Variants in MYO16 observed in about 807,000 individuals in gnomAD.
MYO16 encodes the protein unconventional myosin-XVI.
Under a neutral mutation model 205.3 loss-of-function variants are expected in MYO16, and 94 were observed. That is an observed-to-expected ratio of 0.46 (90% CI 0.39 to 0.54). MYO16 has a LOEUF of 0.54. Ranked by LOEUF, MYO16 falls within the 20% of genes least tolerant of loss-of-function variation. MYO16 has a pLI of 0.00. For synonymous variants in MYO16, 988 were observed against 954.0 expected (o/e 1.04, Z -0.66); for missense variants, 2,315 against 2,387.5 (o/e 0.97, Z 0.63).
intron 27 of MYO16, among the ~76,000 whole-genome samples, chr13:109,079,535 G>T (rs1888218464): frequency 6.6e-6 from 1 of 152,136 alleles, no homozygotes; most frequent in Admixed American, 6.6e-5. Context: ...AATACCATGT[G>T]TTACCGCTTA....
chr13:108,886,056 G>C (rs1007367996), intron 13 of MYO16, among the ~76,000 whole-genome samples: 27 of 151,874 alleles, frequency 1.8e-4, no homozygotes, highest in Non-Finnish European at 3.2e-4. Flanking sequence ...GGCGCGATCT[G>C]GGCTCACTGC....
chr13:108,665,655 T>C (rs966101605), intron 1 of MYO16, among the ~76,000 whole-genome samples: 9 of 152,198 alleles, frequency 5.9e-5, no homozygotes, highest in African/African-American at 2.2e-4. Context: ...CTTAACTACA[T>C]ATGCATGTCT....
chr13:108,505,856 G>A, the MYO16 span, among the ~76,000 whole-genome samples: 2 of 152,038 alleles, frequency 1.3e-5, no homozygotes, highest in African/African-American at 4.8e-5. Context: ...ATAAGGTAAA[G>A]ATCAAATGTC....
the MYO16 span, among the ~76,000 whole-genome samples, chr13:108,588,435 C>T: frequency 6.6e-6 from 1 of 152,150 alleles, no homozygotes; most frequent in East Asian, 1.9e-4. Flanking sequence ...GTTTCCTCTG[C>T]AGCATCTTTG....
rs183914396 is a variant in MYO16, at chr13:108,927,604, G to A, written c.1925+17454G>A. Among the ~76,000 whole-genome samples the A allele has an allele frequency of 2.6e-4, 39 of 152,326 alleles. 1 individual carries two copies. The highest frequency in any genetic ancestry group is 2.3e-3 in the Admixed American group (35 of 15,306). The stretch of plus-strand genomic sequence containing the variant: ...ATGGAAGTATATTTATATTTTACAT[G>A]ATTTTTGAAATTTCATGAAATTTTC... On this transcript the variant is annotated intron_variant, in intron 16 of 34. Transcript: ENST00000457511.
At chr13:108,653,759 G>GCA (rs1170636818) in intron 1 of MYO16, among the ~76,000 whole-genome samples, 2 of 150,456 alleles carry the variant, frequency 1.3e-5, no homozygotes, top group African/African-American at 2.4e-5. Flanking sequence ...ATGCTTATAT[G>GCA]CACACACACA....
intron 1 of MYO16, among the ~76,000 whole-genome samples, chr13:108,647,489 T>C (rs1301810073): frequency 1.3e-5 from 2 of 152,246 alleles, no homozygotes; most frequent in Non-Finnish European, 2.9e-5. Context: ...TTTAGCTTTA[T>C]TTTCAACTTT....
chr13:108,857,270 C>T (rs1471770847), intron 11 of MYO16, among the ~76,000 whole-genome samples: 1 of 152,172 alleles, frequency 6.6e-6, no homozygotes, highest in Non-Finnish European at 1.5e-5. Flanking sequence ...TTCTGTAACT[C>T]ATTGGTAGTT....
At chr13:108,530,691 T>C in the MYO16 span, among the ~76,000 whole-genome samples, 2 of 152,240 alleles carry the variant, frequency 1.3e-5, no homozygotes, top group Non-Finnish European at 2.9e-5. Flanking sequence ...TACTTGTGTT[T>C]ATGTTCAAAA....
chr13:108,794,472 TG>T (rs1180540786), intron 6 of MYO16, among the ~76,000 whole-genome samples: 1 of 152,234 alleles, frequency 6.6e-6, no homozygotes. Context: ...ATGTAGTTTT[TG>T]AAATGTAACT....
In MYO16 at chr13:109,180,495, T is replaced by C. The variant is rs963351111; in HGVS notation, c.5415+862T>C. ...TTATCTAAAGTTACAGCACAATTTTTATGTCAAACATCTACATAAAAGTCT... is the reference window on the plus strand; with the variant it reads ...TTATCTAAAGTTACAGCACAATTTTCATGTCAAACATCTACATAAAAGTCT... On this transcript the variant is annotated intron_variant, in intron 34 of 34. Coordinates refer to ENST00000457511, the MANE Select transcript of MYO16 (RefSeq NM_001198950.3). 2.0e-5 allele frequency among the ~76,000 whole-genome samples: 3 copies of C among 152,236 alleles called. No individual in the cohort carries two copies. The South Asian group carries it at 6.2e-4, about 31-fold the overall frequency.
At chr13:108,570,925 T>C in the MYO16 span, among the ~76,000 whole-genome samples, 3 of 152,136 alleles carry the variant, frequency 2.0e-5, no homozygotes, top group Non-Finnish European at 4.4e-5. Context: ...TTGGGTCTAT[T>C]AGGCACTTAC....
At chr13:109,164,862 T>C (rs970842073) in intron 32 of MYO16, 39 bp from the exon 33 acceptor site, 3 of 1,306,082 alleles carry the variant, frequency 2.3e-6, no homozygotes, top group Non-Finnish European at 3.2e-6. Flanking sequence ...TCAGTACATG[T>C]TATCAGAAAA....
chr13:108,606,166 G>A (rs1878950760), intron 1 of MYO16, among the ~76,000 whole-genome samples: 1 of 152,202 alleles, frequency 6.6e-6, no homozygotes, highest in Admixed American at 6.5e-5. Flanking sequence ...AAAATTTGCA[G>A]CCTAATGTTG....
intron 2 of MYO16, among the ~76,000 whole-genome samples, chr13:108,692,511 G>A (rs1050180421): frequency 9.2e-5 from 14 of 152,278 alleles, no homozygotes; most frequent in South Asian, 2.1e-4. Context: ...TGCAGCTTCC[G>A]TGGTCTTGAG....
chr13:109,101,032 G>A, intron 28 of MYO16, 145 bp downstream of exon 28: 1 of 635,404 alleles, frequency 1.6e-6, no homozygotes, highest in South Asian at 2.1e-5. Context: ...TGTATTCCCT[G>A]GAAATTTGTC....
At chr13:108,818,639 G>C (rs1232018492) in intron 7 of MYO16, among the ~76,000 whole-genome samples, 1 of 152,114 alleles carries the variant, frequency 6.6e-6, no homozygotes, top group Non-Finnish European at 1.5e-5. Context: ...TGGTCAGAAA[G>C]ATGGATAGGG....
chr13:108,666,250 C>A (rs1881725097), intron 2 of MYO16, 101 bp downstream of exon 2: 3 of 1,305,138 alleles, frequency 2.3e-6, no homozygotes, highest in Non-Finnish European at 3.1e-6. Flanking sequence ...GCAGAAAAGT[C>A]CTTTTAAATA....
chr13:108,839,959 T>C (rs1183476964), intron 9 of MYO16, among the ~76,000 whole-genome samples: 1 of 152,110 alleles, frequency 6.6e-6, no homozygotes, highest in African/African-American at 2.4e-5. Flanking sequence ...ATTCCCTGCT[T>C]ATGGCCATAG....
Sources: allele counts gnomAD v4.1 joint callset (sites outside exome capture counted in the v4.1 genomes callset), GRCh38; gene constraint gnomAD v4.1.1; transcripts MANE v1.5; gene names NCBI Gene and HGNC (gene_info 2026-07-23, HGNC 2026-07-21).